Variants in KIAA1549 observed in about 807,000 individuals in gnomAD.
The protein encoded by KIAA1549 is UPF0606 protein KIAA1549.
Under a neutral mutation model 156.4 loss-of-function variants are expected in KIAA1549, and 70 were observed. That is an observed-to-expected ratio of 0.45 (90% CI 0.37 to 0.55). The LOEUF (loss-of-function observed/expected upper bound fraction) is 0.55. KIAA1549 is among the 20% of genes least tolerant of loss of function. The pLI is 0.00. For missense variants in KIAA1549, 2,428 were observed against 2,540.9 expected (o/e 0.96, Z 0.96); for synonymous variants, 1,103 against 1,066.4 (o/e 1.03, Z -0.67).
intron 5 of KIAA1549, among the ~76,000 whole-genome samples, chr7:138,907,652 A>G (rs6976196): frequency 0.21 from 32,276 of 152,044 alleles, 3,522 homozygotes; most frequent in Middle Eastern, 0.3. Flanking sequence ...CAAAGAGCTG[A>G]GTGTATTGCC....
rs753299249 is a variant in KIAA1549, at chr7:138,917,091, T to C, written c.2535A>G (p.Pro845=). The change falls in exon 2 of 20, where the codon CCA becomes CCG. Residue 845 remains proline (P), a synonymous_variant. Coordinates refer to ENST00000422774, the MANE Select transcript of KIAA1549 (RefSeq NM_001164665.2). The part of the protein sequence containing the change: ...GTVLITDAYL[P]SGSSFVSEAT... The stretch of plus-strand genomic sequence containing the variant: ...CTTCAGAAACAAACGAGGATCCTGA[T>C]GGCAGGTACGCGTCAGTGATCAACA... The C allele has an allele frequency of 6.8e-6, 11 of 1,609,504 alleles. No individual in the cohort carries two copies. The highest frequency in any genetic ancestry group is 5.5e-5 in the South Asian group (5 of 90,184).
intron 1 of KIAA1549, among the ~76,000 whole-genome samples, chr7:138,957,603 G>C (rs148128670): frequency 1.3e-5 from 2 of 151,974 alleles, no homozygotes; most frequent in African/African-American, 4.8e-5. Flanking sequence ...TCAGCCTCCA[G>C]AGTAGATGGG....
Position 138,937,145 on chromosome 7 carries a change from C to T in KIAA1549, c.188-17707G>A, listed in dbSNP as rs551131510. 2.6e-5 allele frequency among the ~76,000 whole-genome samples: 4 copies of T among 152,292 alleles called. No individual in the cohort carries two copies. In the South Asian group the frequency reaches 8.3e-4, roughly 32 times the overall value. On this transcript the variant is annotated intron_variant, in intron 1 of 19. Transcript: ENST00000422774. ...AGTATTACCCTCCCCTACAACCAGC[C>T]CATGCCCCAGCTATTCGACGTGCTC...
At chr7:138,967,406 T>C (rs1226852494) in intron 1 of KIAA1549, among the ~76,000 whole-genome samples, 1 of 152,132 alleles carries the variant, frequency 6.6e-6, no homozygotes, top group African/African-American at 2.4e-5. Flanking sequence ...GAGTCAACTG[T>C]GTTGATCATA....
At position 138,919,353 on chromosome 7, in the gene KIAA1549, T is replaced by A. The variant is rs1244059096; in HGVS notation, c.273A>T (p.Gln91His). 5.0e-6 allele frequency: 8 copies of A among 1,614,032 alleles called. No homozygotes were observed. Among genetic ancestry groups the A allele is most frequent in the Non-Finnish European group, 5.9e-6 (7 of 1,179,892 alleles). The change falls in exon 2 of 20, where the codon CAA becomes CAT. Residue 91 changes from glutamine to histidine, a missense_variant. By Grantham distance (24) the Gln-to-His change is conservative. Transcript: ENST00000422774. Reference sequence around the variant, plus strand: ...CGGGAGCAGTTTCTGTTAAGGCCACTTGTGCAGCGCTGTGCCCAGTGCTTT... The same window carrying A: ...CGGGAGCAGTTTCTGTTAAGGCCACATGTGCAGCGCTGTGCCCAGTGCTTT... ...LKKSTGHSAA[Q>H]VALTETAPGS...
chr7:138,978,294 G>A (rs1348111091), intron 1 of KIAA1549, among the ~76,000 whole-genome samples: 1 of 152,008 alleles, frequency 6.6e-6, no homozygotes, highest in Non-Finnish European at 1.5e-5. Flanking sequence ...TCCCTACAAA[G>A]CAATCTATTT....
At position 138,918,484 on chromosome 7, in the gene KIAA1549, G is replaced by C; in HGVS notation, c.1142C>G (p.Pro381Arg). Residue 381 changes from proline (P) to arginine (R), a missense_variant, in exon 2 of 20, where the codon CCC becomes CGC. Around this residue, in one of 5 missense-constraint regions of KIAA1549, gnomAD observed 893 missense variants for 847.9 expected, o/e 1.05. Coordinates refer to ENST00000422774, the MANE Select transcript of KIAA1549 (RefSeq NM_001164665.2). This position sits in a 1 kb window ranked among gnomAD's most constrained non-coding sequence, Gnocchi z 4.2. ...SASPTDVSSNPFLPSDSSKTS... is the reference protein window; with the variant it reads ...SASPTDVSSNRFLPSDSSKTS... Reference sequence around the variant, plus strand: ...TTTGCTGGAGTCGCTAGGGAGAAAGGGGTTAGATGAAACATCAGTTGGTGA... The same window carrying C: ...TTTGCTGGAGTCGCTAGGGAGAAAGCGGTTAGATGAAACATCAGTTGGTGA... The C allele has an allele frequency of 6.2e-7, 1 of 1,614,008 alleles. No individual in the cohort carries two copies. The highest frequency in any genetic ancestry group is 8.5e-7 in the Non-Finnish European group (1 of 1,179,890).
At chr7:138,956,457 CATGTGTTGTGGGAGGGATCTGGTGG>C (rs1813667446) in intron 1 of KIAA1549, among the ~76,000 whole-genome samples, 1 of 152,188 alleles carries the variant, frequency 6.6e-6, no homozygotes, top group Non-Finnish European at 1.5e-5. Context: ...CCATAATTCC[CATGTGTTGTGGGAGGGATCTGGTGG>C]AAGATAATTG....
chr7:138,946,727 C>T (rs765478249), intron 1 of KIAA1549, among the ~76,000 whole-genome samples: 1 of 152,030 alleles, frequency 6.6e-6, no homozygotes, highest in Non-Finnish European at 1.5e-5. Flanking sequence ...TGCAGTGAGC[C>T]GAGATCACGC....
rs573970210 is a variant in KIAA1549 at position 138,838,061 on chromosome 7, G to T, written c.5698C>A (p.His1900Asn). Residue 1900 changes from histidine (H) to asparagine (N), a missense_variant, in exon 20 of 20, where the codon CAC (histidine) becomes AAC (asparagine). Physicochemically the swap from His to Asn is moderately conservative, Grantham distance 68. Around this residue, in one of 5 missense-constraint regions of KIAA1549, gnomAD observed 363 missense variants for 354.0 expected, o/e 1.03. Coordinates refer to ENST00000422774, the MANE Select transcript of KIAA1549 (RefSeq NM_001164665.2). ...AGCCCAGGGCCCTGCAGTCCCCGGT[G>T]GGGGAGGTTCCCGGAAGGAGCTGAG... is the stretch of plus-strand genomic sequence containing the variant. ...EPSAPSGNLP[H>N]RGLQGPGLGY... is the part of the protein sequence containing the mutation. 5.0e-6 allele frequency: 8 copies of T among 1,596,846 alleles called. No individual in the cohort carries two copies. Among genetic ancestry groups the T allele is most frequent in the South Asian group, 2.3e-5 (2 of 88,106 alleles).
chr7:138,960,296 TTTATTG>T (rs771273387), intron 1 of KIAA1549, among the ~76,000 whole-genome samples: 37,972 of 150,728 alleles, frequency 0.25, 5,152 homozygotes, highest in African/African-American at 0.35. Flanking sequence ...ATTTTATTGA[TTTATTG>T]ATTTATTTAT....
intron 5 of KIAA1549, 92 bp downstream of exon 5, chr7:138,908,899 G>C (rs1364510600): frequency 4.0e-6 from 6 of 1,488,194 alleles, no homozygotes; most frequent in Admixed American, 3.7e-5. Context: ...CGCCACTGGA[G>C]GGAATAAGAG....
intron 1 of KIAA1549, among the ~76,000 whole-genome samples, chr7:138,929,941 T>C (rs1812824741): frequency 1.3e-5 from 2 of 152,198 alleles, no homozygotes; most frequent in Non-Finnish European, 2.9e-5. Flanking sequence ...GCAATCCTCC[T>C]GCCTCGGCCT....
intron 1 of KIAA1549, among the ~76,000 whole-genome samples, chr7:138,967,876 G>A (rs1351988017): frequency 6.6e-6 from 1 of 152,132 alleles, no homozygotes; most frequent in African/African-American, 2.4e-5. Context: ...GCCTGTGCTG[G>A]CCTGCACAGA....
intron 12 of KIAA1549, among the ~76,000 whole-genome samples, chr7:138,872,341 A>T (rs1418302874): frequency 6.6e-6 from 1 of 151,632 alleles, no homozygotes; most frequent in Non-Finnish European, 1.5e-5. Context: ...TAATTTTCTT[A>T]AAAACTAATC....
rs867388613 is a variant in KIAA1549, at chr7:138,840,239, C to T, written c.5492G>A (p.Ser1831Asn). The stretch of plus-strand genomic sequence containing the variant: ...TTCCACTGGCTGAGCTCCAATTCTG[C>T]TGGCAATCCCCACCTGTGTCAGGTG... ...IQHLTQVGIA[S>N]RIGAQPVEIP... is the part of the protein sequence containing the mutation. Residue 1831 changes from serine (S) to asparagine (N), a missense_variant, in exon 19 of 20, where the codon AGC (serine) becomes AAC (asparagine). Physicochemically the swap from Ser to Asn is conservative, Grantham distance 46. Coordinates refer to ENST00000422774, the MANE Select transcript of KIAA1549 (RefSeq NM_001164665.2). 1.3e-6 allele frequency: 2 copies of T among 1,591,870 alleles called. No homozygotes were observed. The highest frequency in any genetic ancestry group is 1.7e-6 in the Non-Finnish European group (2 of 1,169,258).
At chr7:138,909,330 C>G (rs1812103209) in intron 4 of KIAA1549, among the ~76,000 whole-genome samples, 1 of 152,138 alleles carries the variant, frequency 6.6e-6, no homozygotes. Context: ...GTGACGGTGA[C>G]TGGTATCATT....
intron 5 of KIAA1549, among the ~76,000 whole-genome samples, chr7:138,907,465 T>C (rs1334245998): frequency 1.3e-5 from 2 of 152,082 alleles, no homozygotes; most frequent in African/African-American, 2.4e-5. Context: ...ATTGGATTGA[T>C]ATAAACCAGA....
chr7:138,938,631 T>C (rs985860714), intron 1 of KIAA1549, among the ~76,000 whole-genome samples: 3 of 152,256 alleles, frequency 2.0e-5, no homozygotes, highest in Non-Finnish European at 4.4e-5. Context: ...ATCAAATCTA[T>C]AGATAACCCA....
Sources: allele counts gnomAD v4.1 joint callset (sites outside exome capture counted in the v4.1 genomes callset), GRCh38; gene constraint gnomAD v4.1.1; regional missense constraint gnomAD v4.1.1; non-coding constraint Gnocchi (gnomAD v3.1); transcripts MANE v1.5; gene names NCBI Gene and HGNC (gene_info 2026-07-23, HGNC 2026-07-21).